NTNG1: variants seen among roughly 807,000 people sequenced by gnomAD.
NTNG1 encodes netrin G1.
Under a neutral mutation model 54.0 loss-of-function variants are expected in NTNG1, and 16 were observed. The observed-to-expected ratio is 0.30, with a 90% CI of 0.20 to 0.45. NTNG1 has a LOEUF of 0.45. NTNG1 is among the 20% of genes least tolerant of loss of function. The probability of loss-of-function intolerance (pLI) is 1.00; values close to 1 mark genes in which losing one functional copy is unlikely to be tolerated. For missense variants in NTNG1, 530 were observed against 678.7 expected (o/e 0.78, Z 2.43); for synonymous variants, 255 against 263.1 (o/e 0.97, Z 0.30).
In NTNG1 at chr1:107,480,817, A is replaced by C; in HGVS notation, c.1597A>C (p.Thr533Pro). 1 of 1,568,552 alleles carries C rather than the reference A, an allele frequency of 6.4e-7. No homozygotes were observed. The highest frequency in any genetic ancestry group is 8.6e-7 in the Non-Finnish European group (1 of 1,157,576). Residue 533 changes from threonine to proline, a missense_variant, in exon 8 of 8, where the codon ACC becomes CCC. Physicochemically the swap from Thr to Pro is conservative, Grantham distance 38 (BLOSUM62 -1). This residue lies in a region of NTNG1 where 212 missense variants were observed against 213.6 expected (regional missense o/e 0.99). Coordinates refer to ENST00000370068, the MANE Select transcript of NTNG1 (RefSeq NM_001113226.3). ...GCTGCTGCTGACCACGCTGCTGGGAACCGCCAGCCCCCTGGTGTTCTAGGT... is the reference window on the plus strand; with the variant it reads ...GCTGCTGCTGACCACGCTGCTGGGACCCGCCAGCCCCCTGGTGTTCTAGGT... Reference protein sequence around the residue: ...ALLLLTTLLGTASPLVF With the variant: ...ALLLLTTLLGPASPLVF
intron 2 of NTNG1, among the ~76,000 whole-genome samples, chr1:107,255,412 G>T (rs546655215): frequency 6.6e-6 from 1 of 152,254 alleles, no homozygotes; most frequent in African/African-American, 2.4e-5. Context: ...TGGAGTGGTT[G>T]TTTGTGATTT....
chr1:107,420,057 C>T (rs1046109826), intron 5 of NTNG1, among the ~76,000 whole-genome samples: 1 of 151,978 alleles, frequency 6.6e-6, no homozygotes, highest in Non-Finnish European at 1.5e-5. Context: ...CTCAGTATTT[C>T]CTATTGAATT....
chr1:107,207,857 G>A (rs147400184), intron 2 of NTNG1, among the ~76,000 whole-genome samples: 11 of 152,208 alleles, frequency 7.2e-5, no homozygotes, highest in South Asian at 2.1e-4. Context: ...TTAAAATTCC[G>A]TGGGAAGGTT....
At chr1:107,332,336 G>C (rs766041710) in intron 3 of NTNG1, among the ~76,000 whole-genome samples, 3 of 151,938 alleles carry the variant, frequency 2.0e-5, no homozygotes, top group Non-Finnish European at 4.4e-5. Context: ...GTCGTTAAAG[G>C]GAAGATGTCT....
At chr1:107,348,415 T>C (rs925912993) in intron 3 of NTNG1, among the ~76,000 whole-genome samples, 3 of 152,136 alleles carry the variant, frequency 2.0e-5, no homozygotes, top group African/African-American at 4.8e-5. Context: ...CTTGAGCCAC[T>C]GTGCCTGTCC....
intron 3 of NTNG1, among the ~76,000 whole-genome samples, chr1:107,370,301 C>A (rs555948080): frequency 6.8e-6 from 1 of 147,868 alleles, no homozygotes; most frequent in Admixed American, 6.7e-5. Flanking sequence ...CTTGAGAGTG[C>A]GTTGAATCCA....
intron 2 of NTNG1, among the ~76,000 whole-genome samples, chr1:107,235,816 G>T (rs569300034): frequency 6.6e-6 from 1 of 152,174 alleles, no homozygotes; most frequent in Non-Finnish European, 1.5e-5. Context: ...TTGGGAGATG[G>T]TGGGAGGGAG....
At chr1:107,376,337 G>A (rs1349162649) in intron 3 of NTNG1, among the ~76,000 whole-genome samples, 1 of 152,088 alleles carries the variant, frequency 6.6e-6, no homozygotes. Context: ...GAACCCGGGA[G>A]GCGGAGCTTA....
At chr1:107,477,810 A>G (rs922217226) in intron 7 of NTNG1, among the ~76,000 whole-genome samples, 1 of 152,202 alleles carries the variant, frequency 6.6e-6, no homozygotes, top group Non-Finnish European at 1.5e-5. Flanking sequence ...CCTTTAGGAC[A>G]GTTAGTTACA....
intron 5 of NTNG1, chr1:107,421,163 T>A: frequency 1.9e-6 from 3 of 1,538,992 alleles, no homozygotes; most frequent in Non-Finnish European, 2.7e-6. Context: ...CTTGGATTCA[T>A]ACAGTGATTT....
At chr1:107,303,893 G>A (rs899556244) in intron 2 of NTNG1, among the ~76,000 whole-genome samples, 2 of 151,996 alleles carry the variant, frequency 1.3e-5, no homozygotes, top group Non-Finnish European at 2.9e-5. Context: ...CACCATGTTG[G>A]TCAGGATGGT....
chr1:107,241,159 A>G (rs1661797244), intron 2 of NTNG1, among the ~76,000 whole-genome samples: 1 of 152,202 alleles, frequency 6.6e-6, no homozygotes, highest in Admixed American at 6.5e-5. Context: ...CTCTTTTGGA[A>G]AGCTTTGGAT....
At chr1:107,242,584 C>G (rs1424634332) in intron 2 of NTNG1, among the ~76,000 whole-genome samples, 1 of 152,180 alleles carries the variant, frequency 6.6e-6, no homozygotes, top group Non-Finnish European at 1.5e-5. Flanking sequence ...GTTTCCTACA[C>G]TTGTGGTCTA....
At chr1:107,184,964 G>A (rs1170291507) in intron 2 of NTNG1, among the ~76,000 whole-genome samples, 4 of 152,106 alleles carry the variant, frequency 2.6e-5, no homozygotes, top group African/African-American at 9.7e-5. Context: ...TTGACATCTG[G>A]GATTGGGATC....
At chr1:107,353,474 C>T (rs1669752060) in intron 3 of NTNG1, among the ~76,000 whole-genome samples, 1 of 152,188 alleles carries the variant, frequency 6.6e-6, no homozygotes, top group African/African-American at 2.4e-5. Context: ...TAATTTCCAT[C>T]CGAGACCTCC....
chr1:107,211,532 T>C (rs761177019), intron 2 of NTNG1, among the ~76,000 whole-genome samples: 3 of 152,140 alleles, frequency 2.0e-5, no homozygotes, highest in Non-Finnish European at 4.4e-5. Flanking sequence ...GGGAAGAGGA[T>C]TTCATATTTG....
chr1:107,231,383 T>G (rs114523241), intron 2 of NTNG1, among the ~76,000 whole-genome samples: 10 of 152,160 alleles, frequency 6.6e-5, no homozygotes, highest in Non-Finnish European at 1.2e-4. Flanking sequence ...TAGCCTGACT[T>G]CAACTCCTGA....
Position 107,148,261 on chromosome 1 carries a change from T to C in NTNG1, c.-333T>C. The C allele has an allele frequency of 4.8e-6, 1 of 209,686 alleles. No homozygotes were observed. Among genetic ancestry groups the C allele is most frequent in the Non-Finnish European group, 9.6e-6 (1 of 104,220 alleles). The allele number at this position is 209,686 out of a possible 1,614,324, so 13.0% of individuals were successfully genotyped here. On this transcript the variant is annotated 5_prime_UTR_variant, in exon 2 of 8. Coordinates refer to ENST00000370068, the MANE Select transcript of NTNG1 (RefSeq NM_001113226.3). ...CGCTTTGCTAAATTATTATCTGCAA[T>C]TGGACATCTTTTACAAAAACCAAAC...
At chr1:107,402,402 C>A (rs1673100179) in intron 4 of NTNG1, among the ~76,000 whole-genome samples, 2 of 152,112 alleles carry the variant, frequency 1.3e-5, no homozygotes, top group African/African-American at 4.8e-5. Context: ...GTACTGTCAC[C>A]ATATGTGTCA....
Sources: gnomAD v4.1 joint callset for allele counts (sites outside exome capture counted in the v4.1 genomes callset) on GRCh38, gnomAD v4.1.1 for gene constraint, gnomAD v4.1.1 regional missense constraint, MANE v1.5 for transcripts, NCBI Gene and HGNC (gene_info 2026-07-23, HGNC 2026-07-21) for gene names.